The following GGT1 variants were observed in gnomAD, a reference collection of about 807,000 sequenced individuals.
The protein encoded by GGT1 is glutathione hydrolase 1 proenzyme.
In GGT1, 21 loss-of-function variants were observed where a neutral mutation model predicts 56.0. The ratio of observed to expected loss-of-function variants is 0.38; its 90% confidence interval spans 0.27 to 0.54. The LOEUF (loss-of-function observed/expected upper bound fraction) is 0.54. Among genes scored for constraint, GGT1 ranks in the 20% least tolerant of loss-of-function variants. The pLI is 0.82. For missense variants in GGT1, 466 were observed against 787.0 expected, an observed-to-expected ratio of 0.59 and a Z score of 4.88; for synonymous variants, 238 against 342.6, an observed-to-expected ratio of 0.69 and a Z score of 3.37.
the GGT1 span, chr22:24,586,147 A>C: frequency 2.5e-6 from 4 of 1,613,388 alleles, no homozygotes; most frequent in Non-Finnish European, 3.4e-6. Flanking sequence ...TGATGGCATC[A>C]GTGAGCTTGC....
At chr22:24,594,425 G>C (rs2045656314), upstream of GGT1, among the ~76,000 whole-genome samples, 1 of 148,754 alleles carries the variant, frequency 6.7e-6, no homozygotes, top group Admixed American at 6.8e-5. Flanking sequence ...GTGTGTGTGT[G>C]TCTGCTAATT....
upstream of GGT1, among the ~76,000 whole-genome samples, chr22:24,599,019 G>A (rs1198198924): frequency 6.6e-6 from 1 of 152,224 alleles, no homozygotes; most frequent in Non-Finnish European, 1.5e-5. Flanking sequence ...CACCCACCTC[G>A]TCCTCCCATA....
chr22:24,596,124 G>A (rs1041399813), intron 1 of GGT1, among the ~76,000 whole-genome samples: 1 of 152,216 alleles, frequency 6.6e-6, no homozygotes, highest in Admixed American at 6.5e-5. Flanking sequence ...GAGCTTGGCG[G>A]GGTGAGGCGA....
In GGT1 at chr22:24,611,231, C is replaced by T. The variant is rs1477132100; in HGVS notation, c.150C>T (p.Cys50=). The change falls in exon 5 of 16, where the codon TGC becomes TGT. Residue 50 remains cysteine, a synonymous_variant. Transcript: ENST00000400382. ...CCGTGGCCGCGGATGCCAAGCAGTG[C>T]TCGAAGATTGGGAGGTGAGCAGGGC... The part of the protein sequence containing the change: ...RAAVAADAKQ[C]SKIGRDALRD... 1 of 1,560,150 alleles carries T rather than the reference C, an allele frequency of 6.4e-7. No homozygotes were observed. Among genetic ancestry groups the T allele is most frequent in the Admixed American group, 1.9e-5 (1 of 52,544 alleles).
upstream of GGT1, chr22:24,603,046 C>T (rs2045810515): frequency 1.3e-5 from 2 of 152,336 alleles, no homozygotes; most frequent in African/African-American, 4.8e-5. Flanking sequence ...GGTCCCAGAT[C>T]ACAGCCTCAG....
At position 24,620,735 on chromosome 22, in the gene GGT1, G is replaced by C. The variant is rs1159281919; in HGVS notation, c.576-178G>C. 6.9e-7 allele frequency: 1 copy of C among 1,457,492 alleles called. No homozygotes were observed. Among genetic ancestry groups the C allele is most frequent in the East Asian group, 2.5e-5 (1 of 40,234 alleles). 90.3% of individuals were successfully genotyped at this position (1,457,492 alleles called of 1,614,324 possible). On this transcript the variant is annotated intron_variant, in intron 8 of 15. Transcript: ENST00000400382. This position sits in a 1 kb window ranked among gnomAD's most constrained non-coding sequence, Gnocchi z 5.6. ...GCTGGCCATGTGTCCTGAGTGGCAA[G>C]GGACACTAGGAAGCTCCCGGAAGGG...
chr22:24,605,539 A>G (rs767949878), intron 1 of GGT1, among the ~76,000 whole-genome samples: 3 of 64,762 alleles, frequency 4.6e-5, no homozygotes, highest in Non-Finnish European at 7.1e-5. Flanking sequence ...AATATTATAT[A>G]ATGTGTATTA....
the GGT1 span, chr22:24,583,896 A>G: frequency 4.8e-6 from 2 of 412,550 alleles, no homozygotes; most frequent in Non-Finnish European, 1.0e-5. Flanking sequence ...AAGGGACTGG[A>G]GAGCTTGGCA....
chr22:24,619,869 C>A (rs1204474654), intron 7 of GGT1, among the ~76,000 whole-genome samples: 1 of 150,936 alleles, frequency 6.6e-6, no homozygotes, highest in Non-Finnish European at 1.5e-5. Flanking sequence ...ATGCAGGCAC[C>A]TGCACAGACA....
intron 1 of GGT1, among the ~76,000 whole-genome samples, chr22:24,604,722 G>T (rs2045925184): frequency 6.6e-6 from 1 of 151,958 alleles, no homozygotes; most frequent in African/African-American, 2.4e-5. Context: ...TCTGCATTCA[G>T]GGGGTAGAGG....
At chr22:24,594,441 A>G (rs1418050908), upstream of GGT1, among the ~76,000 whole-genome samples, 3 of 147,952 alleles carry the variant, frequency 2.0e-5, no homozygotes, top group Non-Finnish European at 3.0e-5. Context: ...TAATTACCCT[A>G]TGAAGATTCA....
the GGT1 span, chr22:24,588,691 A>C: frequency 9.1e-7 from 1 of 1,093,346 alleles, no homozygotes; most frequent in Non-Finnish European, 1.1e-6. Flanking sequence ...CAGGGGGAGG[A>C]GGCCAGACCA....
the GGT1 span, chr22:24,586,368 C>G: frequency 6.2e-7 from 1 of 1,613,696 alleles, no homozygotes; most frequent in Non-Finnish European, 8.5e-7. Flanking sequence ...GAGAGGTCCA[C>G]AGTCTCCCCT....
intron 11 of GGT1, chr22:24,624,196 A>G: frequency 1.0e-6 from 1 of 985,232 alleles, no homozygotes; most frequent in Non-Finnish European, 1.2e-6. Flanking sequence ...GAGATGAGGA[A>G]TGCATGGGGG....
chr22:24,619,929 C>T (rs199879155), intron 7 of GGT1, among the ~76,000 whole-genome samples: 1 of 150,878 alleles, frequency 6.6e-6, no homozygotes, highest in Non-Finnish European at 1.5e-5. Flanking sequence ...ACTGCTTCCC[C>T]TGCTGTGCCC....
chr22:24,592,838 A>AG, upstream of GGT1: 1 of 1,273,714 alleles, frequency 7.9e-7, no homozygotes, highest in Non-Finnish European at 9.9e-7. Context: ...CCGCCAGCCC[A>AG]GGGGCGGACG....
At chr22:24,589,755 C>G in the GGT1 span, 2 of 1,502,690 alleles carry the variant, frequency 1.3e-6, no homozygotes, top group South Asian at 1.3e-5. Flanking sequence ...GTCCCCAGCC[C>G]TGGGCTCTGT....
chr22:24,584,144 G>A, the GGT1 span, among the ~76,000 whole-genome samples: 1 of 152,180 alleles, frequency 6.6e-6, no homozygotes, highest in South Asian at 2.1e-4. Context: ...TCCAGAGTAG[G>A]GGCATAGGGA....
chr22:24,597,684 A>ACACACACACACACAC (rs60798811), intron 1 of GGT1, among the ~76,000 whole-genome samples: 23 of 148,832 alleles, frequency 1.5e-4, no homozygotes, highest in African/African-American at 4.7e-4. Context: ...CCATCTCAAA[A>ACACACACACACACAC]ACACACACAC....
Sources: gnomAD v4.1 joint callset for allele counts (sites outside exome capture counted in the v4.1 genomes callset) on GRCh38, gnomAD v4.1.1 for gene constraint, Gnocchi (gnomAD v3.1) non-coding constraint, MANE v1.5 for transcripts, NCBI Gene and HGNC (gene_info 2026-07-23, HGNC 2026-07-21) for gene names.